MYLIP: variants seen among roughly 807,000 people sequenced by gnomAD.
MYLIP encodes myosin regulatory light chain interacting protein.
Under a neutral mutation model 45.8 loss-of-function variants are expected in MYLIP, and 26 were observed. The observed-to-expected ratio is 0.57, with a 90% CI of 0.42 to 0.79. The LOEUF is 0.79. Ranked by LOEUF, MYLIP falls within the 30% of genes least tolerant of loss-of-function variation. The probability of loss-of-function intolerance (pLI) is 0.00; values close to 1 mark genes in which losing one functional copy is unlikely to be tolerated. For missense variants in MYLIP, 494 were observed against 555.6 expected (o/e 0.89, Z 1.11); for synonymous variants, 213 against 218.1 (o/e 0.98, Z 0.21).
downstream of MYLIP, among the ~76,000 whole-genome samples, chr6:16,150,763 C>A (rs906432594): frequency 6.6e-6 from 1 of 152,146 alleles, no homozygotes; most frequent in African/African-American, 2.4e-5. Context: ...AAGACTTGAA[C>A]AAAATCATTC....
chr6:16,149,957 A>G (rs1382536664), downstream of MYLIP, among the ~76,000 whole-genome samples: 2 of 152,212 alleles, frequency 1.3e-5, no homozygotes, highest in African/African-American at 4.8e-5. Context: ...ATGCTTGGTG[A>G]TGGGCAAACC....
At position 16,141,630 on chromosome 6, in the gene MYLIP, T is replaced by C. The variant is rs775862448; in HGVS notation, c.284T>C (p.Ile95Thr). ...ACTCTCACCTTGCTTTGCAGGCATA[T>C]CTTTTTCTTGCACATCAAGGAGGCC... Reference protein sequence around the residue: ...HLILQEQTRHIFFLHIKEALL... With the variant: ...HLILQEQTRHTFFLHIKEALL... Residue 95 changes from isoleucine to threonine, a missense_variant, in exon 3 of 7, where the codon ATC (isoleucine) becomes ACC (threonine). By Grantham distance (89) the Ile-to-Thr change is moderately conservative. Transcript: ENST00000356840. The C allele has an allele frequency of 1.9e-6, 3 of 1,612,372 alleles. No homozygotes were observed. Among genetic ancestry groups the C allele is most frequent in the South Asian group, 2.2e-5 (2 of 90,970 alleles).
At chr6:16,157,559 T>C in the MYLIP span, among the ~76,000 whole-genome samples, 182 of 152,266 alleles carry the variant, frequency 1.2e-3, no homozygotes, top group Non-Finnish European at 2.2e-3. Flanking sequence ...GAATGACTCA[T>C]AGGAGCCTAG....
At chr6:16,145,665 C>T (rs1000610775) in intron 6 of MYLIP, among the ~76,000 whole-genome samples, 1 of 152,100 alleles carries the variant, frequency 6.6e-6, no homozygotes, top group African/African-American at 2.4e-5. Flanking sequence ...CAAGTTGCCT[C>T]CCTTTTTCTG....
chr6:16,129,300 T>A lies in MYLIP; in HGVS notation c.-23T>A. The stretch of plus-strand genomic sequence containing the variant: ...GCGCACACCAAAGAGAAGGCGGCTG[T>A]GGCGGCAGCGGCAGCCCCAGCCATG... On this transcript the variant is annotated 5_prime_UTR_variant, in exon 1 of 7. Transcript: ENST00000356840. This position sits in a 1 kb window ranked among gnomAD's most constrained non-coding sequence, Gnocchi z 5.1. 1 of 1,550,750 alleles carries A rather than the reference T, an allele frequency of 6.4e-7. No homozygotes were observed. Among genetic ancestry groups the A allele is most frequent in the Non-Finnish European group, 8.7e-7 (1 of 1,147,530 alleles).
chr6:16,137,032 G>A (rs1430369570), intron 2 of MYLIP, among the ~76,000 whole-genome samples: 1 of 152,126 alleles, frequency 6.6e-6, no homozygotes, highest in Non-Finnish European at 1.5e-5. Context: ...TTTTGGTGAA[G>A]CCTAATTTAT....
chr6:16,146,555 A>G (rs990122099), intron 6 of MYLIP, 107 bp from the exon 7 acceptor site: 18 of 827,172 alleles, frequency 2.2e-5, no homozygotes, highest in Non-Finnish European at 3.5e-5. Context: ...TGTGATCACA[A>G]TTGATTTAGA....
At chr6:16,143,631 C>T in intron 4 of MYLIP, 68 bp from the exon 5 acceptor site, 1 of 1,547,994 alleles carries the variant, frequency 6.5e-7, no homozygotes, top group South Asian at 1.2e-5. Context: ...GGGGATCCCA[C>T]AAAGGCACAC....
In MYLIP at chr6:16,143,164, G is replaced by A. The variant is rs757775049; in HGVS notation, c.609G>A (p.Gly203=). Residue 203 remains glycine (G), a synonymous_variant, in exon 4 of 7, where the codon GGG becomes GGA. Coordinates refer to ENST00000356840, the MANE Select transcript of MYLIP (RefSeq NM_013262.4). ...GCGAAGGGCAGAAACTGCTCATTGG[G>A]GTTGGACCTGAAGGAATCTCAATTT... ...RDSEGQKLLI[G]VGPEGISICK... is the part of the protein sequence containing the mutation. 4 of 1,614,144 alleles carry A rather than the reference G, an allele frequency of 2.5e-6. No individual in the cohort carries two copies. In the East Asian group the frequency reaches 8.9e-5, roughly 36 times the overall value.
chr6:16,129,576 T>A lies in MYLIP; in HGVS notation c.87+167T>A, dbSNP rs1178236936. Among the ~76,000 whole-genome samples, 1 of 152,036 alleles carries A rather than the reference T, an allele frequency of 6.6e-6. No homozygotes were observed. Among genetic ancestry groups the A allele is most frequent in the Non-Finnish European group, 1.5e-5 (1 of 67,962 alleles). ...CTCCACGGGCGTGGGGCGCGCGGTC[T>A]CCTCCTGGCGCGCGTGGGGTGCGCG... On this transcript the variant is annotated intron_variant, in intron 1 of 6. Transcript: ENST00000356840. This position sits in a 1 kb window ranked among gnomAD's most constrained non-coding sequence, Gnocchi z 5.1.
At chr6:16,137,974 G>C (rs1161078813) in intron 2 of MYLIP, among the ~76,000 whole-genome samples, 1 of 151,906 alleles carries the variant, frequency 6.6e-6, no homozygotes, top group Non-Finnish European at 1.5e-5. Flanking sequence ...GTTACGCCTT[G>C]GGCCCCAAAA....
intron 4 of MYLIP, 100 bp downstream of exon 4, chr6:16,143,317 T>C: frequency 8.4e-7 from 1 of 1,188,968 alleles, no homozygotes; most frequent in Non-Finnish European, 1.2e-6. Context: ...CAGTCAGCTC[T>C]TAGGAATGAA....
downstream of MYLIP, among the ~76,000 whole-genome samples, chr6:16,152,095 G>A (rs1759886072): frequency 6.6e-6 from 1 of 152,178 alleles, no homozygotes; most frequent in Non-Finnish European, 1.5e-5. Flanking sequence ...TTGGATTGAT[G>A]GAAAGGGAAA....
the MYLIP span, among the ~76,000 whole-genome samples, chr6:16,163,034 G>A: frequency 2.0e-5 from 3 of 152,018 alleles, no homozygotes; most frequent in African/African-American, 2.4e-5. Context: ...GGGTGCTAGC[G>A]CATATGATGA....
chr6:16,130,672 G>GGCTA lies in MYLIP; in HGVS notation c.206_209dup (p.Pro71SerfsTer6), dbSNP rs1561785193. The GGCTA allele has an allele frequency of 6.2e-7, 1 of 1,614,168 alleles. No homozygotes were observed. The highest frequency in any genetic ancestry group is 1.1e-5 in the South Asian group (1 of 91,082). On this transcript the variant is annotated frameshift_variant, in exon 2 of 7. Coordinates refer to ENST00000356840, the MANE Select transcript of MYLIP (RefSeq NM_013262.4). LOFTEE classifies it high-confidence loss of function. ...AACCGGATCTCCCAGCAGATGGATGGGCTAGCCCCTTACAGGCTTAAACTT... is the reference window on the plus strand; with the variant it reads ...AACCGGATCTCCCAGCAGATGGATGGGCTAGCTAGCCCCTTACAGGCTTAAACTT...
Position 16,129,359 on chromosome 6 carries a change from A to ATGGAGG in MYLIP, c.50_55dup (p.Val17_Glu18dup), listed in dbSNP as rs1561784575. The ATGGAGG allele has an allele frequency of 3.8e-6, 6 of 1,580,474 alleles. No homozygotes were observed. Among genetic ancestry groups the ATGGAGG allele is most frequent in the Non-Finnish European group, 5.2e-6 (6 of 1,162,920 alleles). On this transcript the variant is annotated inframe_insertion, in exon 1 of 7. Coordinates refer to ENST00000356840, the MANE Select transcript of MYLIP (RefSeq NM_013262.4). The surrounding 1 kb of genome is among the most constrained non-coding windows in gnomAD (Gnocchi z 5.1). ...TGTGACGAGGCCGGACGCGGTGCTG[A>ATGGAGG]TGGAGGTGGAGGTGGAGGCGAAAGC...
rs1242565128 is a variant in MYLIP at position 16,146,833 on chromosome 6, G to A, written c.*82G>A. 8.2e-6 allele frequency: 9 copies of A among 1,095,882 alleles called. No individual in the cohort carries two copies. Among genetic ancestry groups the A allele is most frequent in the African/African-American group, 1.6e-5 (1 of 61,478 alleles). 67.9% of individuals were successfully genotyped at this position (1,095,882 alleles called of 1,614,324 possible). A position where few individuals can be genotyped will look rare whatever the true frequency, so the allele number is the denominator to read the frequency against. On this transcript the variant is annotated 3_prime_UTR_variant, in exon 7 of 7. Transcript: ENST00000356840. ...ATTAAAATGATAGATTGTGGAGAAA[G>A]TAATTATTCCAACACCCATCTGCCA...
Position 16,143,056 on chromosome 6 carries a change from C to T in MYLIP, c.501C>T (p.Ser167=). ...AACATAAGGAGTTGGAGGGGACCAG[C>T]CAGGCTTCAGCTGAATACCAAGTTT... ...VAKHKELEGT[S]QASAEYQVLQ... Residue 167 remains serine, a synonymous_variant, in exon 4 of 7, where the codon AGC becomes AGT. Transcript: ENST00000356840. The T allele has an allele frequency of 6.2e-7, 1 of 1,614,134 alleles. No homozygotes were observed. The highest frequency in any genetic ancestry group is 8.5e-7 in the Non-Finnish European group (1 of 1,180,012).
At chr6:16,153,435 A>T in the MYLIP span, among the ~76,000 whole-genome samples, 1 of 152,184 alleles carries the variant, frequency 6.6e-6, no homozygotes, top group Non-Finnish European at 1.5e-5. Flanking sequence ...TTCCCCATGA[A>T]TTTAACATGA....
Sources: gnomAD v4.1 joint callset for allele counts (sites outside exome capture counted in the v4.1 genomes callset) on GRCh38, gnomAD v4.1.1 for gene constraint, Gnocchi (gnomAD v3.1) non-coding constraint, MANE v1.5 for transcripts, NCBI Gene and HGNC (gene_info 2026-07-23, HGNC 2026-07-21) for gene names.